The following OSTN variants were observed in gnomAD, a reference collection of about 807,000 sequenced individuals.
OSTN encodes osteocrin.
A neutral mutation model predicts 12.0 loss-of-function variants in OSTN; 9 were observed. The observed-to-expected ratio is 0.75, with a 90% confidence interval of 0.45 to 1.30. The LOEUF is 1.30. Ranked by LOEUF, OSTN falls within the 50% of genes most tolerant of loss-of-function variation. The pLI is 0.00. For synonymous variants in OSTN, 59 were observed against 56.9 expected, an observed-to-expected ratio of 1.04 and a Z score of -0.16; for missense variants, 148 against 152.3, an observed-to-expected ratio of 0.97 and a Z score of 0.15.
At chr3:191,204,281 C>T (rs78499354) in intron 1 of OSTN, among the ~76,000 whole-genome samples, 4,088 of 152,104 alleles carry the variant, frequency 0.027, 166 homozygotes, top group East Asian at 0.2. Context: ...AAGTAAATTC[C>T]CATTACACAA....
At chr3:191,234,454 T>C (rs1195620056) in intron 3 of OSTN, 2 of 152,282 alleles carry the variant, frequency 1.3e-5, no homozygotes, top group African/African-American at 4.8e-5. Flanking sequence ...CTCAGCACTT[T>C]GGGAGGCCGA....
At chr3:191,236,922 T>G (rs1025340642) in intron 3 of OSTN, among the ~76,000 whole-genome samples, 1 of 152,216 alleles carries the variant, frequency 6.6e-6, no homozygotes, top group Non-Finnish European at 1.5e-5. Flanking sequence ...CACATTTTAT[T>G]ATGTTTTCGG....
In OSTN at chr3:191,212,528, C is replaced by T. The variant is rs767497445; in HGVS notation, c.1-5C>T. The stretch of plus-strand genomic sequence containing the variant: ...AATGCTAACTATGACATATGTAACC[C>T]TTAGATGCTGGACTGGAGATTGGCA... On this transcript the variant is annotated splice_region_variant and splice_polypyrimidine_tract_variant and intron_variant, in intron 1 of 4. Coordinates refer to ENST00000682035, the MANE Select transcript of OSTN (RefSeq NM_198184.2). 4.0e-5 allele frequency: 62 copies of T among 1,566,280 alleles called. No homozygotes were observed. The highest frequency in any genetic ancestry group is 5.2e-5 in the Non-Finnish European group (60 of 1,147,154).
Position 191,212,301 on chromosome 3 carries a change from T to A in OSTN, c.1-232T>A, listed in dbSNP as rs114915541. Among the ~76,000 whole-genome samples, 218 of 152,314 alleles carry A rather than the reference T, an allele frequency of 1.4e-3. 1 individual carries two copies. The highest frequency in any genetic ancestry group is 5.0e-3 in the African/African-American group (206 of 41,578). ...GTTTGAATTAAATTATTATTATAGC[T>A]GTACAACCCTAATCCAGGGTCTCCA... On this transcript the variant is annotated intron_variant, in intron 1 of 4. Coordinates refer to ENST00000682035, the MANE Select transcript of OSTN (RefSeq NM_198184.2).
chr3:191,249,474 T>C (rs993417609), intron 3 of OSTN, among the ~76,000 whole-genome samples: 2 of 152,224 alleles, frequency 1.3e-5, no homozygotes, highest in African/African-American at 4.8e-5. Flanking sequence ...TTTCAAACAG[T>C]ATTTAACAAA....
chr3:191,205,357 A>G (rs1364478997), intron 1 of OSTN, among the ~76,000 whole-genome samples: 3 of 151,970 alleles, frequency 2.0e-5, no homozygotes, highest in Non-Finnish European at 4.4e-5. Context: ...GAATATCTGT[A>G]TATTGTCTGA....
At chr3:191,220,706 T>TGAG (rs1182581555) in intron 3 of OSTN, among the ~76,000 whole-genome samples, 1 of 152,154 alleles carries the variant, frequency 6.6e-6, no homozygotes, top group Non-Finnish European at 1.5e-5. Flanking sequence ...AAAGAATAGT[T>TGAG]GAGCTTTTAG....
chr3:191,200,906 A>G (rs902274531), intron 1 of OSTN, among the ~76,000 whole-genome samples: 1 of 152,136 alleles, frequency 6.6e-6, no homozygotes, highest in Admixed American at 6.5e-5. Flanking sequence ...TAGACTTCTA[A>G]TTCTAGTTCT....
intron 3 of OSTN, among the ~76,000 whole-genome samples, chr3:191,222,141 G>GC (rs1714781498): frequency 6.6e-6 from 1 of 152,360 alleles, no homozygotes; most frequent in East Asian, 1.9e-4. Context: ...TGCTGCAGGG[G>GC]CAGAGCCCTC....
At chr3:191,261,157 C>G (rs991681898) in intron 4 of OSTN, among the ~76,000 whole-genome samples, 1 of 152,178 alleles carries the variant, frequency 6.6e-6, no homozygotes, top group Non-Finnish European at 1.5e-5. Flanking sequence ...CTGCACCCAA[C>G]TGAAGGTGCC....
At position 191,236,710 on chromosome 3, in the gene OSTN, G is replaced by A. The variant is rs111862329; in HGVS notation, c.318-13327G>A. Among the ~76,000 whole-genome samples the A allele has an allele frequency of 3.6e-4, 55 of 151,926 alleles. 1 individual carries two copies. Among genetic ancestry groups the A allele is most frequent in the African/African-American group, 7.3e-5 (3 of 41,332 alleles). On this transcript the variant is annotated intron_variant, in intron 3 of 4. Transcript: ENST00000682035. ...AGAATACTTTTGTTCTTAAGATATC[G>A]TGACATCAGGATATTTTCTGGACCT... is the stretch of plus-strand genomic sequence containing the variant.
intron 2 of OSTN, chr3:191,213,299 TGTC>T (rs1447661618): frequency 6.6e-6 from 1 of 152,238 alleles, no homozygotes; most frequent in Non-Finnish European, 1.5e-5. Context: ...AGTTTTTTAT[TGTC>T]TTCTTTTTAT....
At chr3:191,248,301 A>G (rs1211891285) in intron 3 of OSTN, among the ~76,000 whole-genome samples, 2 of 152,200 alleles carry the variant, frequency 1.3e-5, no homozygotes, top group East Asian at 1.9e-4. Flanking sequence ...AAGGCTATTT[A>G]TGACTCATTT....
In OSTN at chr3:191,211,976, T is replaced by A. The variant is rs76590676; in HGVS notation, c.1-557T>A. On this transcript the variant is annotated intron_variant, in intron 1 of 4. Coordinates refer to ENST00000682035, the MANE Select transcript of OSTN (RefSeq NM_198184.2). ...TTATTGTATTTAATATGTAATTTTT[T>A]AATTTTGATATAAAAACATAGTTTT... Among the ~76,000 whole-genome samples, 1,521 of 152,308 alleles carry A rather than the reference T, an allele frequency of 1.0e-2. 26 individuals carry two copies. Among genetic ancestry groups the A allele is most frequent in the African/African-American group, 0.035 (1,442 of 41,572 alleles).
intron 4 of OSTN, among the ~76,000 whole-genome samples, chr3:191,252,059 G>T (rs184881460): frequency 6.9e-4 from 104 of 150,458 alleles, no homozygotes; most frequent in African/African-American, 2.5e-3. Context: ...ATTTTCATAT[G>T]ATTTTTTTTT....
rs1264531481 is a variant in OSTN, at chr3:191,265,084, C to T, written c.*2231C>T. 1.3e-5 allele frequency: 2 copies of T among 152,016 alleles called. No homozygotes were observed. The highest frequency in any genetic ancestry group is 2.9e-5 in the Non-Finnish European group (2 of 67,968). 9.4% of individuals were successfully genotyped at this position (152,016 alleles called of 1,614,324 possible). On this transcript the variant is annotated 3_prime_UTR_variant, in exon 5 of 5. Transcript: ENST00000682035. Reference sequence around the variant, plus strand: ...TCATTCAGAGTAGAAAATAAGTCAGCAATATACTAAATAATGGGGCTATTC... The same window carrying T: ...TCATTCAGAGTAGAAAATAAGTCAGTAATATACTAAATAATGGGGCTATTC...
chr3:191,253,115 G>A (rs1323959250), intron 4 of OSTN, among the ~76,000 whole-genome samples: 1 of 152,178 alleles, frequency 6.6e-6, no homozygotes, highest in African/African-American at 2.4e-5. Context: ...AGTTTTCATT[G>A]TTGGATGCTA....
chr3:191,248,254 C>CA (rs1461698874), intron 3 of OSTN, among the ~76,000 whole-genome samples: 1 of 152,084 alleles, frequency 6.6e-6, no homozygotes, highest in African/African-American at 2.4e-5. Context: ...AAATCATCAT[C>CA]AATCTGAGAA....
At chr3:191,251,240 G>A (rs879439093) in intron 4 of OSTN, among the ~76,000 whole-genome samples, 1 of 149,114 alleles carries the variant, frequency 6.7e-6, no homozygotes, top group Non-Finnish European at 1.5e-5. Flanking sequence ...TTAAAATCCA[G>A]AAAGGTTACA....
Sources: allele counts gnomAD v4.1 joint callset (sites outside exome capture counted in the v4.1 genomes callset), GRCh38; gene constraint gnomAD v4.1.1; transcripts MANE v1.5; gene names NCBI Gene and HGNC (gene_info 2026-07-23, HGNC 2026-07-21).